Variants in BTBD9 observed in about 807,000 individuals in gnomAD.
BTBD9 encodes BTB/POZ domain-containing protein 9.
In BTBD9, 49 loss-of-function variants were observed where a neutral mutation model predicts 64.3. The observed-to-expected ratio is 0.76, with a 90% CI of 0.61 to 0.97. The LOEUF (loss-of-function observed/expected upper bound fraction) is 0.97. BTBD9 is among the 50% of genes least tolerant of loss of function. The pLI is 0.00. For missense variants in BTBD9, 598 were observed against 762.1 expected, an observed-to-expected ratio of 0.78 and a Z score of 2.53; for synonymous variants, 260 against 274.7, an observed-to-expected ratio of 0.95 and a Z score of 0.53.
At chr6:38,622,914 C>T (rs1352076601) in intron 1 of BTBD9, among the ~76,000 whole-genome samples, 2 of 152,166 alleles carry the variant, frequency 1.3e-5, no homozygotes, top group African/African-American at 2.4e-5. Context: ...AGCACCCCCA[C>T]CACTAATGAA....
chr6:38,362,204 C>A (rs922756188), intron 6 of BTBD9, among the ~76,000 whole-genome samples: 2 of 152,154 alleles, frequency 1.3e-5, no homozygotes, highest in Non-Finnish European at 2.9e-5. Context: ...CTCTTGAGTA[C>A]TGATTCACCC....
intron 7 of BTBD9, among the ~76,000 whole-genome samples, chr6:38,308,364 A>C (rs1762701458): frequency 6.6e-6 from 1 of 152,210 alleles, no homozygotes; most frequent in African/African-American, 2.4e-5. Flanking sequence ...TTACATCTGC[A>C]CTGTAAACAT....
intron 6 of BTBD9, among the ~76,000 whole-genome samples, chr6:38,527,034 G>A (rs537884515): frequency 2.0e-4 from 30 of 152,030 alleles, no homozygotes; most frequent in African/African-American, 7.0e-4. Context: ...TTAGCACTTC[G>A]GGAGGCCAGG....
At chr6:38,454,544 T>A (rs1769708725) in intron 6 of BTBD9, among the ~76,000 whole-genome samples, 1 of 150,600 alleles carries the variant, frequency 6.6e-6, no homozygotes, top group South Asian at 2.1e-4. Context: ...ATGCTTGTAA[T>A]CCTAGCACTT....
chr6:38,600,791 A>G (rs760169708), intron 1 of BTBD9, among the ~76,000 whole-genome samples: 1 of 152,210 alleles, frequency 6.6e-6, no homozygotes, highest in Non-Finnish European at 1.5e-5. Context: ...CTGATATATC[A>G]TAAACATTAA....
intron 7 of BTBD9, among the ~76,000 whole-genome samples, chr6:38,334,625 C>CATAACATAACATAAA (rs1763817419): frequency 9.6e-6 from 1 of 104,050 alleles, no homozygotes; most frequent in Non-Finnish European, 2.0e-5. Context: ...CATAACATAA[C>CATAACATAACATAAA]ATAAAATAAA....
At chr6:38,204,861 C>T (rs908658903) in intron 9 of BTBD9, among the ~76,000 whole-genome samples, 2 of 151,800 alleles carry the variant, frequency 1.3e-5, no homozygotes, top group Non-Finnish European at 2.9e-5. Flanking sequence ...AAATTATCCT[C>T]AGAAAGATAA....
intron 6 of BTBD9, among the ~76,000 whole-genome samples, chr6:38,446,045 C>G (rs1278272072): frequency 2.0e-5 from 3 of 152,196 alleles, no homozygotes; most frequent in Non-Finnish European, 2.9e-5. Flanking sequence ...TACTGGTCCT[C>G]TGAGGAAAGT....
intron 6 of BTBD9, among the ~76,000 whole-genome samples, chr6:38,470,470 A>G (rs1770601196): frequency 6.6e-6 from 1 of 152,216 alleles, no homozygotes; most frequent in Non-Finnish European, 1.5e-5. Context: ...ATTGCACACA[A>G]TGTCCTGTCT....
At chr6:38,606,216 C>T (rs1464403420) in intron 1 of BTBD9, among the ~76,000 whole-genome samples, 1 of 152,142 alleles carries the variant, frequency 6.6e-6, no homozygotes. Flanking sequence ...TTCCTTGCTC[C>T]TCAGCTTGCA....
rs1434922413 is a variant in BTBD9, at chr6:38,411,694, C to T, written c.1155-66601G>A. 2.6e-5 allele frequency among the ~76,000 whole-genome samples: 4 copies of T among 151,942 alleles called. No homozygotes were observed. In the South Asian group the frequency reaches 6.2e-4, roughly 24 times the overall value. The stretch of plus-strand genomic sequence containing the variant: ...CTCACACCAGTAATCCCAGCACTTT[C>T]GGAGGCCAAGGCGGGCAGATTACTT... On this transcript the variant is annotated intron_variant, in intron 6 of 10. Coordinates refer to ENST00000481247, the MANE Select transcript of BTBD9 (RefSeq NM_001099272.2).
At chr6:38,363,622 C>T (rs574733995) in intron 6 of BTBD9, among the ~76,000 whole-genome samples, 7 of 152,250 alleles carry the variant, frequency 4.6e-5, no homozygotes, top group African/African-American at 1.7e-4. Context: ...ATGTAATACA[C>T]TCCAATTCTA....
Position 38,186,774 on chromosome 6 carries a change from G to C in BTBD9, c.1641+5745C>G, listed in dbSNP as rs564420369. 3.9e-5 allele frequency among the ~76,000 whole-genome samples: 6 copies of C among 152,226 alleles called. No homozygotes were observed. In the South Asian group the frequency reaches 1.2e-3, roughly 32 times the overall value. Reference sequence around the variant, plus strand: ...CATCCTCAGTTTCTGCTATTGACTTGGTAAAAGCTTTCATGTAGGTTCTTG... The same window carrying C: ...CATCCTCAGTTTCTGCTATTGACTTCGTAAAAGCTTTCATGTAGGTTCTTG... On this transcript the variant is annotated intron_variant, in intron 10 of 10. Transcript: ENST00000481247.
chr6:38,480,249 T>C (rs1771074901), intron 6 of BTBD9, among the ~76,000 whole-genome samples: 1 of 152,192 alleles, frequency 6.6e-6, no homozygotes, highest in Non-Finnish European at 1.5e-5. Context: ...AGCTTCCTCA[T>C]CCATAAATAC....
intron 9 of BTBD9, among the ~76,000 whole-genome samples, chr6:38,230,434 G>T (rs1481928902): frequency 7.0e-6 from 1 of 143,402 alleles, no homozygotes; most frequent in African/African-American, 2.6e-5. Flanking sequence ...GATGGAGGTT[G>T]TGGTGAGCCG....
intron 7 of BTBD9, among the ~76,000 whole-genome samples, chr6:38,313,036 G>T (rs546606382): frequency 6.6e-6 from 1 of 152,244 alleles, no homozygotes; most frequent in South Asian, 2.1e-4. Flanking sequence ...TCAATCCATG[G>T]ACATGAAATA....
At position 38,255,699 on chromosome 6, in the gene BTBD9, C is replaced by T. The variant is rs142029114; in HGVS notation, c.1562+710G>A. Among the ~76,000 whole-genome samples the T allele has an allele frequency of 1.2e-3, 176 of 152,128 alleles. 2 individuals are homozygous for T. Among genetic ancestry groups the T allele is most frequent in the South Asian group, 9.1e-3 (44 of 4,818 alleles). ...TTAGTTTGAGTAACAGCATAGTTAA[C>T]GAGATGAGATAAATAAATATTGACG... On this transcript the variant is annotated intron_variant, in intron 9 of 10. Coordinates refer to ENST00000481247, the MANE Select transcript of BTBD9 (RefSeq NM_001099272.2).
chr6:38,368,308 C>T (rs562441805), intron 6 of BTBD9, among the ~76,000 whole-genome samples: 1 of 152,268 alleles, frequency 6.6e-6, no homozygotes, highest in Admixed American at 6.5e-5. Context: ...CCTTTTGATG[C>T]ATGCGCTATA....
chr6:38,325,185 T>A (rs976216265), intron 7 of BTBD9, among the ~76,000 whole-genome samples: 2 of 151,914 alleles, frequency 1.3e-5, no homozygotes, highest in Admixed American at 1.3e-4. Context: ...AAAACACATA[T>A]ACAAAATTGC....
Sources: gnomAD v4.1 joint callset for allele counts (sites outside exome capture counted in the v4.1 genomes callset) on GRCh38, gnomAD v4.1.1 for gene constraint, MANE v1.5 for transcripts, NCBI Gene and HGNC (gene_info 2026-07-23, HGNC 2026-07-21) for gene names.